Variants in EXT1 observed in about 807,000 individuals in gnomAD.
The protein encoded by EXT1 is exostosin-1.
EXT1 carries 20 observed loss-of-function variants against 82.5 expected under a neutral mutation model. The ratio of observed to expected loss-of-function variants is 0.24; its 90% CI spans 0.17 to 0.35. EXT1 has a LOEUF of 0.35. Among genes scored for constraint, EXT1 ranks in the 10% least tolerant of loss-of-function variants. The probability of loss-of-function intolerance (pLI) is 1.00; values close to 1 mark genes in which losing one functional copy is unlikely to be tolerated. For missense variants in EXT1, 757 were observed against 936.5 expected, an observed-to-expected ratio of 0.81 and a Z score of 2.50; for synonymous variants, 348 against 350.8, an observed-to-expected ratio of 0.99 and a Z score of 0.09.
At chr8:118,080,399 T>C (rs1406694044) in intron 1 of EXT1, among the ~76,000 whole-genome samples, 2 of 152,144 alleles carry the variant, frequency 1.3e-5, no homozygotes, top group Admixed American at 6.5e-5. Context: ...TGGAAACTAA[T>C]AGATGAATTA....
chr8:117,856,503 T>G (rs909997798), intron 1 of EXT1, among the ~76,000 whole-genome samples: 6 of 148,358 alleles, frequency 4.0e-5, no homozygotes, highest in Non-Finnish European at 5.9e-5. Flanking sequence ...CCTGACCTCA[T>G]GATCCGCCCA....
intron 1 of EXT1, among the ~76,000 whole-genome samples, chr8:118,028,274 A>G (rs1051472648): frequency 2.2e-4 from 34 of 152,272 alleles, no homozygotes; most frequent in African/African-American, 8.0e-4. Context: ...AAGGGCAAGG[A>G]CGCATCTGGC....
intron 10 of EXT1, among the ~76,000 whole-genome samples, chr8:117,802,919 A>G (rs1823188154): frequency 6.6e-6 from 1 of 152,214 alleles, no homozygotes; most frequent in South Asian, 2.1e-4. Context: ...TAAACTTTAA[A>G]TTCTTTATAA....
At chr8:117,809,245 T>TATATATGTATATATA (rs1563874289) in intron 8 of EXT1, among the ~76,000 whole-genome samples, 37 of 66,084 alleles carry the variant, frequency 5.6e-4, no homozygotes, top group African/African-American at 1.5e-3. Flanking sequence ...ATATATATAT[T>TATATATGTATATATA]ATGTTCTATT....
chr8:117,936,101 T>A (rs1462615267), intron 1 of EXT1, among the ~76,000 whole-genome samples: 1 of 152,234 alleles, frequency 6.6e-6, no homozygotes, highest in Non-Finnish European at 1.5e-5. Context: ...AGAATGGCGA[T>A]CTGACTTGGC....
chr8:117,815,770 A>G (rs1211334209), intron 7 of EXT1, among the ~76,000 whole-genome samples: 1 of 152,074 alleles, frequency 6.6e-6, no homozygotes, highest in East Asian at 1.9e-4. Flanking sequence ...CTCTCTACTA[A>G]AAACACAAAA....
At chr8:117,997,433 A>T (rs1317043230) in intron 1 of EXT1, among the ~76,000 whole-genome samples, 2 of 151,846 alleles carry the variant, frequency 1.3e-5, no homozygotes. Context: ...TACTTTCAGA[A>T]AGAATTTATA....
chr8:117,992,655 T>G (rs1815459371), intron 1 of EXT1, among the ~76,000 whole-genome samples: 1 of 151,996 alleles, frequency 6.6e-6, no homozygotes, highest in African/African-American at 2.4e-5. Context: ...CTGACACTCT[T>G]CACAGGCACC....
intron 1 of EXT1, among the ~76,000 whole-genome samples, chr8:118,102,364 C>T (rs1817735662): frequency 2.6e-5 from 4 of 151,570 alleles, no homozygotes; most frequent in Non-Finnish European, 5.9e-5. Flanking sequence ...AAAATCACAC[C>T]TTAAAAATCC....
chr8:118,001,143 T>C (rs1815656423), intron 1 of EXT1, among the ~76,000 whole-genome samples: 2 of 152,194 alleles, frequency 1.3e-5, no homozygotes, highest in South Asian at 4.1e-4. Flanking sequence ...ATCATCTTAT[T>C]TGGTGATTTT....
At chr8:118,094,555 TTGAG>T in intron 1 of EXT1, among the ~76,000 whole-genome samples, 1 of 152,384 alleles carries the variant, frequency 6.6e-6, no homozygotes, top group South Asian at 2.1e-4. Flanking sequence ...TAGTTTCTTA[TTGAG>T]TGTTTACTAT....
chr8:117,894,936 G>A (rs1813309894), intron 1 of EXT1, among the ~76,000 whole-genome samples: 1 of 152,194 alleles, frequency 6.6e-6, no homozygotes, highest in South Asian at 2.1e-4. Context: ...AAATAGATGT[G>A]GAAATGTGTA....
At chr8:117,968,545 A>ATTTTTTT (rs1814870229) in intron 1 of EXT1, among the ~76,000 whole-genome samples, 2 of 73,054 alleles carry the variant, frequency 2.7e-5, no homozygotes, top group Non-Finnish European at 4.6e-5. Flanking sequence ...TTATTTATTT[A>ATTTTTTT]TTTATTTATT....
intron 1 of EXT1, among the ~76,000 whole-genome samples, chr8:117,861,410 G>A (rs1265863686): frequency 6.6e-6 from 1 of 151,888 alleles, no homozygotes; most frequent in African/African-American, 2.4e-5. Context: ...AGCTTTATGA[G>A]GCAATTTAAG....
At chr8:117,828,022 T>C (rs1380352562) in intron 4 of EXT1, among the ~76,000 whole-genome samples, 1 of 152,000 alleles carries the variant, frequency 6.6e-6, no homozygotes, top group Non-Finnish European at 1.5e-5. Context: ...GAATATCATA[T>C]AGTCATTAAA....
At chr8:117,921,548 TAG>T (rs769943711) in intron 1 of EXT1, among the ~76,000 whole-genome samples, 4 of 152,184 alleles carry the variant, frequency 2.6e-5, no homozygotes, top group Non-Finnish European at 5.9e-5. Flanking sequence ...TTCATGAGGT[TAG>T]AGAGTGCAGA....
At chr8:118,006,537 G>A (rs1321234702) in intron 1 of EXT1, among the ~76,000 whole-genome samples, 1 of 152,120 alleles carries the variant, frequency 6.6e-6, no homozygotes, top group African/African-American at 2.4e-5. Context: ...ATGCCTTGAA[G>A]GTCAAAAATC....
intron 1 of EXT1, among the ~76,000 whole-genome samples, chr8:118,035,870 T>G (rs1274298015): frequency 6.6e-6 from 1 of 152,230 alleles, no homozygotes; most frequent in African/African-American, 2.4e-5. Context: ...CTTTTCAACA[T>G]GAGAAGTTAA....
intron 1 of EXT1, among the ~76,000 whole-genome samples, chr8:118,015,893 GAC>G (rs1259009092): frequency 1.3e-5 from 2 of 152,214 alleles, no homozygotes; most frequent in Admixed American, 6.5e-5. Context: ...GAGATGCACA[GAC>G]ACAGAGGGAA....
Sources: gnomAD v4.1 joint callset for allele counts (sites outside exome capture counted in the v4.1 genomes callset) on GRCh38, gnomAD v4.1.1 for gene constraint, MANE v1.5 for transcripts, NCBI Gene and HGNC (gene_info 2026-07-23, HGNC 2026-07-21) for gene names.